Variants in MRPS27 observed in about 807,000 individuals in gnomAD.
MRPS27 encodes the protein small ribosomal subunit protein mS27.
A neutral mutation model predicts 48.9 loss-of-function variants in MRPS27; 43 were observed. The observed-to-expected ratio is 0.88, with a 90% confidence interval of 0.69 to 1.13. The LOEUF (loss-of-function observed/expected upper bound fraction) is 1.13, where lower values mean the gene tolerates loss of function less well. MRPS27 is among the 50% of genes most tolerant of loss of function. The pLI, the probability that MRPS27 is intolerant of heterozygous loss-of-function variation, is 0.00. For missense variants in MRPS27, 467 were observed against 476.3 expected (o/e 0.98, Z 0.18); for synonymous variants, 188 against 171.9 (o/e 1.09, Z -0.73).
At chr5:72,223,350 T>C (rs1747803718) in intron 10 of MRPS27, among the ~76,000 whole-genome samples, 3 of 152,210 alleles carry the variant, frequency 2.0e-5, no homozygotes, top group Non-Finnish European at 2.9e-5. Flanking sequence ...AATGGCCAGA[T>C]ACTTTCCACC....
chr5:72,274,929 G>T (rs1049321205), intron 4 of MRPS27, among the ~76,000 whole-genome samples: 1 of 152,146 alleles, frequency 6.6e-6, no homozygotes, highest in Admixed American at 6.6e-5. Context: ...CATCCAGAAA[G>T]TAAGCAGAAC....
intron 3 of MRPS27, 58 bp from the exon 4 acceptor site, chr5:72,295,647 T>C: frequency 1.5e-6 from 2 of 1,356,102 alleles, no homozygotes; most frequent in Non-Finnish European, 2.1e-6. Context: ...ATATTTGGCC[T>C]AGGGCCTAGA....
rs186958649 is a variant in MRPS27, at chr5:72,302,698, G to A, written c.152-4996C>T. Among the ~76,000 whole-genome samples the A allele has an allele frequency of 2.1e-4, 32 of 152,322 alleles. No homozygotes were observed. The East Asian group carries it at 6.2e-3, about 29-fold the overall frequency. On this transcript the variant is annotated intron_variant, in intron 2 of 10. Coordinates refer to ENST00000261413, the MANE Select transcript of MRPS27 (RefSeq NM_015084.3). ...GTTTAGAGGAGCAGTCCCTTTGAGG[G>A]GAGCAGTCCTTTTGAGAGCATGTGA... is the stretch of plus-strand genomic sequence containing the variant.
chr5:72,297,569 AT>A, intron 3 of MRPS27, 62 bp downstream of exon 3: 1 of 1,030,622 alleles, frequency 9.7e-7, no homozygotes, highest in East Asian at 2.5e-5. Flanking sequence ...CCTCATCTAC[AT>A]GAAGGGCCTT....
intron 4 of MRPS27, among the ~76,000 whole-genome samples, chr5:72,281,664 A>C (rs1749536437): frequency 6.6e-6 from 1 of 152,242 alleles, no homozygotes; most frequent in African/African-American, 2.4e-5. Flanking sequence ...TAGAAGGCAC[A>C]TTCAGAGAAC....
At chr5:72,248,966 A>AT (rs1748583936) in intron 4 of MRPS27, among the ~76,000 whole-genome samples, 1 of 152,202 alleles carries the variant, frequency 6.6e-6, no homozygotes, top group African/African-American at 2.4e-5. Flanking sequence ...ATACTGAACA[A>AT]TTACACTGAG....
At chr5:72,251,094 C>T (rs776892986) in intron 4 of MRPS27, among the ~76,000 whole-genome samples, 2 of 152,174 alleles carry the variant, frequency 1.3e-5, no homozygotes, top group African/African-American at 2.4e-5. Flanking sequence ...ATTCTAAGGG[C>T]CACTGAGTTA....
intron 5 of MRPS27, among the ~76,000 whole-genome samples, chr5:72,236,872 C>T (rs1167138044): frequency 1.3e-5 from 2 of 151,872 alleles, no homozygotes; most frequent in Non-Finnish European, 2.9e-5. Context: ...CAATCAGATT[C>T]CCTCATCTTA....
At chr5:72,255,368 T>C (rs1748773971) in intron 4 of MRPS27, among the ~76,000 whole-genome samples, 2 of 152,098 alleles carry the variant, frequency 1.3e-5, no homozygotes, top group African/African-American at 4.8e-5. Flanking sequence ...CATTTCTTGA[T>C]ATACATTCAA....
At chr5:72,261,299 T>C (rs1748967147) in intron 4 of MRPS27, among the ~76,000 whole-genome samples, 2 of 152,216 alleles carry the variant, frequency 1.3e-5, no homozygotes, top group South Asian at 2.1e-4. Context: ...TTGCCCAGGC[T>C]GGAGTGCAGT....
At chr5:72,262,838 A>G (rs56677853) in intron 4 of MRPS27, among the ~76,000 whole-genome samples, 9,685 of 152,130 alleles carry the variant, frequency 0.064, 555 homozygotes, top group African/African-American at 0.15. Flanking sequence ...TGGCAGGATC[A>G]TAGCTCACTG....
chr5:72,244,148 A>G (rs914238844), intron 4 of MRPS27, among the ~76,000 whole-genome samples: 1 of 151,368 alleles, frequency 6.6e-6, no homozygotes, highest in South Asian at 2.1e-4. Flanking sequence ...TTTTTTTTTG[A>G]GCCCTACATA....
At chr5:72,242,893 T>C (rs143379433) in intron 4 of MRPS27, among the ~76,000 whole-genome samples, 123 of 152,342 alleles carry the variant, frequency 8.1e-4, no homozygotes, top group Non-Finnish European at 1.5e-3. Context: ...AATGCACAGA[T>C]GCCAGAGCCT....
intron 4 of MRPS27, among the ~76,000 whole-genome samples, chr5:72,250,398 A>G (rs1281420695): frequency 6.6e-6 from 1 of 152,184 alleles, no homozygotes; most frequent in East Asian, 1.9e-4. Flanking sequence ...TGTCTGATAG[A>G]GAACTGAACC....
At chr5:72,249,280 T>C (rs1404122869) in intron 4 of MRPS27, among the ~76,000 whole-genome samples, 1 of 152,226 alleles carries the variant, frequency 6.6e-6, no homozygotes, top group Non-Finnish European at 1.5e-5. Flanking sequence ...TCTTCTGCAT[T>C]TGATCATTTA....
intron 10 of MRPS27, 91 bp from the exon 11 acceptor site, chr5:72,221,239 T>C (rs1471249610): frequency 7.4e-6 from 11 of 1,477,010 alleles, no homozygotes; most frequent in Admixed American, 6.3e-5. Context: ...TGACTGACTT[T>C]AGATTTGAAC....
chr5:72,315,393 C>CA (rs1580122869), intron 1 of MRPS27, among the ~76,000 whole-genome samples: 1 of 151,486 alleles, frequency 6.6e-6, no homozygotes, highest in African/African-American at 2.4e-5. Flanking sequence ...CCCGTTTCTA[C>CA]AAAAAACACA....
intron 7 of MRPS27, 25 bp downstream of exon 7, chr5:72,232,418 T>C (rs1432980196): frequency 6.4e-7 from 1 of 1,566,144 alleles, no homozygotes; most frequent in Admixed American, 1.8e-5. Context: ...AAGTTCTTAA[T>C]ACTGCTTTAG....
In MRPS27 at chr5:72,276,295, AC is replaced by A. The variant is rs544796468; in HGVS notation, c.281+19235del. 2.4e-3 allele frequency among the ~76,000 whole-genome samples: 367 copies of A among 152,342 alleles called. 1 individual carries two copies. Among genetic ancestry groups the A allele is most frequent in the African/African-American group, 8.5e-3 (354 of 41,570 alleles). ...AACCATCCGATCTTTGACAAACCTG[AC>A]AAAAACAAGTAATGGGGAAAAGATT... is the stretch of plus-strand genomic sequence containing the variant. On this transcript the variant is annotated intron_variant, in intron 4 of 10. Coordinates refer to ENST00000261413, the MANE Select transcript of MRPS27 (RefSeq NM_015084.3).
Sources: gnomAD v4.1 joint callset for allele counts (sites outside exome capture counted in the v4.1 genomes callset) on GRCh38, gnomAD v4.1.1 for gene constraint, MANE v1.5 for transcripts, NCBI Gene and HGNC (gene_info 2026-07-23, HGNC 2026-07-21) for gene names.